FAM135A: variants seen among roughly 807,000 people sequenced by gnomAD.
FAM135A encodes family with sequence similarity 135 member A, also known as protein FAM135A.
FAM135A carries 79 observed loss-of-function variants against 146.8 expected under a neutral mutation model. The observed-to-expected ratio is 0.54, with a 90% CI of 0.45 to 0.65. FAM135A has a LOEUF of 0.65. Ranked by LOEUF, FAM135A falls within the 30% of genes least tolerant of loss-of-function variation. The probability of loss-of-function intolerance (pLI) is 0.00; values close to 1 mark genes in which losing one functional copy is unlikely to be tolerated. For missense variants in FAM135A, 1,623 were observed against 1,758.2 expected, an observed-to-expected ratio of 0.92 and a Z score of 1.38; for synonymous variants, 562 against 603.6, an observed-to-expected ratio of 0.93 and a Z score of 1.01.
intron 11 of FAM135A, among the ~76,000 whole-genome samples, chr6:70,496,409 T>G (rs1483737218): frequency 6.6e-6 from 1 of 152,230 alleles, no homozygotes; most frequent in Non-Finnish European, 1.5e-5. Flanking sequence ...ATTAGCCCTT[T>G]GTCAGATGGA....
At chr6:70,501,977 T>A (rs996074976) in intron 11 of FAM135A, among the ~76,000 whole-genome samples, 1 of 152,234 alleles carries the variant, frequency 6.6e-6, no homozygotes, top group Non-Finnish European at 1.5e-5. Flanking sequence ...CTCCCCTCAC[T>A]AGACTGTGAA....
intron 14 of FAM135A, 52 bp downstream of exon 14, chr6:70,524,173 A>T: frequency 6.6e-7 from 1 of 1,514,990 alleles, no homozygotes; most frequent in Non-Finnish European, 8.9e-7. Flanking sequence ...TTTTCAGTAT[A>T]TTCTTCCTAA....
intron 11 of FAM135A, among the ~76,000 whole-genome samples, chr6:70,492,944 A>G (rs1470587999): frequency 1.3e-5 from 2 of 152,064 alleles, no homozygotes; most frequent in Non-Finnish European, 2.9e-5. Context: ...AAACACTTAT[A>G]TATTGCACAA....
At chr6:70,507,812 C>A (rs1460116533) in intron 12 of FAM135A, among the ~76,000 whole-genome samples, 1 of 151,920 alleles carries the variant, frequency 6.6e-6, no homozygotes, top group Non-Finnish European at 1.5e-5. Context: ...TGAATAATGT[C>A]TTTGTCATTT....
At chr6:70,489,394 C>A (rs184087552) in intron 10 of FAM135A, among the ~76,000 whole-genome samples, 2 of 143,926 alleles carry the variant, frequency 1.4e-5, no homozygotes, top group Admixed American at 6.9e-5. Context: ...TATCTAAATA[C>A]AATTTACTTG....
At chr6:70,428,593 T>G (rs959389450) in intron 4 of FAM135A, among the ~76,000 whole-genome samples, 174 bp downstream of exon 4, 2 of 152,192 alleles carry the variant, frequency 1.3e-5, no homozygotes, top group Non-Finnish European at 2.9e-5. Flanking sequence ...ATTATTCACA[T>G]GAATTTAATG....
intron 4 of FAM135A, among the ~76,000 whole-genome samples, chr6:70,442,104 G>A (rs1053531281): frequency 1.3e-5 from 2 of 151,604 alleles, no homozygotes; most frequent in African/African-American, 4.8e-5. Context: ...TACTTATAGC[G>A]AAAATCTTGG....
intron 2 of FAM135A, 34 bp from the exon 3 acceptor site, chr6:70,426,405 A>G (rs564837635): frequency 1.3e-4 from 20 of 152,132 alleles, no homozygotes; most frequent in Non-Finnish European, 2.8e-4. Context: ...TATGTCTACT[A>G]TTTGGTTTGA....
intron 4 of FAM135A, among the ~76,000 whole-genome samples, chr6:70,429,630 CTT>C (rs901247331): frequency 6.6e-6 from 1 of 152,038 alleles, no homozygotes; most frequent in African/African-American, 2.4e-5. Context: ...TTGTGAAAGA[CTT>C]TAATGTCTAG....
chr6:70,480,796 C>G, intron 8 of FAM135A, 105 bp from the exon 9 acceptor site: 1 of 1,109,996 alleles, frequency 9.0e-7, no homozygotes, highest in Non-Finnish European at 1.2e-6. Flanking sequence ...TATAAACTTG[C>G]AAAACCCTTG....
In FAM135A at chr6:70,481,021, A is replaced by G. The variant is rs778827892; in HGVS notation, c.663A>G (p.Ser221=). Residue 221 remains serine, a synonymous_variant, in exon 9 of 22, where the codon TCA becomes TCG. Coordinates refer to ENST00000418814, the MANE Select transcript of FAM135A (RefSeq NM_001162529.3). ...VFGINYTKQL[S]PDGCSFIIAD... ...GTATTAACTACACAAAACAGTTATCACCAGATGTAAGAACTGAATATGTTT... is the reference window on the plus strand; with the variant it reads ...GTATTAACTACACAAAACAGTTATCGCCAGATGTAAGAACTGAATATGTTT... 2.1e-5 allele frequency: 34 copies of G among 1,595,966 alleles called. No individual in the cohort carries two copies. Among genetic ancestry groups the G allele is most frequent in the Non-Finnish European group, 2.8e-5 (33 of 1,173,040 alleles).
In FAM135A at chr6:70,532,939, AAAAG is replaced by A. The variant is rs1328959180; in HGVS notation, c.3776-213_3776-210del. Reference sequence around the variant, plus strand: ...AGAGCAAGACTCCATCTCAAAAAAAAAAAGAAAGAAAAAAGAAAACAAAAACTGT... The same window carrying A: ...AGAGCAAGACTCCATCTCAAAAAAAAAAAGAAAAAAGAAAACAAAAACTGT... On this transcript the variant is annotated intron_variant, in intron 16 of 21. Transcript: ENST00000418814. Among the ~76,000 whole-genome samples, 95 of 152,244 alleles carry A rather than the reference AAAAG, an allele frequency of 6.2e-4. 1 individual carries two copies. The highest frequency in any genetic ancestry group is 3.4e-3 in the Middle Eastern group (1 of 294).
rs778276453 is a variant in FAM135A at position 70,482,117 on chromosome 6, A to G, written c.786A>G (p.Val262=). The G allele has an allele frequency of 2.5e-6, 4 of 1,613,668 alleles. No individual in the cohort carries two copies. The South Asian group carries it at 4.4e-5, about 18-fold the overall frequency. ...FKGLHSYFIT[V]TEEIPSCQKL... is the part of the protein sequence containing the mutation. ...GATTGCACAGCTACTTCATTACAGTAACAGAAGAGATTCCTTCTTGTCAGA... is the reference window on the plus strand; with the variant it reads ...GATTGCACAGCTACTTCATTACAGTGACAGAAGAGATTCCTTCTTGTCAGA... Residue 262 remains valine (V), a synonymous_variant, in exon 10 of 22, where the codon GTA becomes GTG. Coordinates refer to ENST00000418814, the MANE Select transcript of FAM135A (RefSeq NM_001162529.3).
chr6:70,507,763 C>G (rs1178881707), intron 12 of FAM135A, among the ~76,000 whole-genome samples: 3 of 151,722 alleles, frequency 2.0e-5, no homozygotes, highest in Non-Finnish European at 4.4e-5. Flanking sequence ...TTACAGGTGA[C>G]CCATACTAAT....
chr6:70,502,234 G>GAA (rs1206417888), intron 11 of FAM135A, among the ~76,000 whole-genome samples: 1 of 152,022 alleles, frequency 6.6e-6, no homozygotes, highest in Non-Finnish European at 1.5e-5. Context: ...GCTAATTGGG[G>GAA]AAAAAATCTG....
chr6:70,414,349 C>T (rs1161529130), intron 1 of FAM135A, among the ~76,000 whole-genome samples: 2 of 152,278 alleles, frequency 1.3e-5, no homozygotes, highest in East Asian at 3.9e-4. Flanking sequence ...CATTGGAGTT[C>T]ATTCCATGCC....
At chr6:70,425,830 G>A (rs1489310567) in intron 2 of FAM135A, among the ~76,000 whole-genome samples, 1 of 152,188 alleles carries the variant, frequency 6.6e-6, no homozygotes, top group Non-Finnish European at 1.5e-5. Flanking sequence ...AGGGCCGGGC[G>A]CGGTGGCTCA....
chr6:70,557,275 A>C (rs75621769), intron 21 of FAM135A: 8,589 of 247,556 alleles, frequency 0.035, 378 homozygotes, highest in African/African-American at 0.1. Context: ...TGTGAATAAC[A>C]AAATAAATTT....
Position 70,559,366 on chromosome 6 carries a change from G to A in FAM135A, c.4343-350G>A, listed in dbSNP as rs551201160. On this transcript the variant is annotated intron_variant, in intron 21 of 21. Transcript: ENST00000418814. ...GGAGACAGGAGAATGGCTTGAACCC[G>A]GGAGGCAGAGGTTGCAGTGAGCCAA... Among the ~76,000 whole-genome samples, 11 of 151,824 alleles carry A rather than the reference G, an allele frequency of 7.2e-5. No individual in the cohort carries two copies. The East Asian group carries it at 1.6e-3, about 21-fold the overall frequency.
Sources: allele counts gnomAD v4.1 joint callset (sites outside exome capture counted in the v4.1 genomes callset), GRCh38; gene constraint gnomAD v4.1.1; transcripts MANE v1.5; gene names NCBI Gene and HGNC (gene_info 2026-07-23, HGNC 2026-07-21).